Variants in HIBADH observed in about 807,000 individuals in gnomAD.
HIBADH encodes the protein 3-hydroxyisobutyrate dehydrogenase, mitochondrial.
In HIBADH, 25 loss-of-function variants were observed where a neutral mutation model predicts 36.1. The observed-to-expected ratio is 0.69, with a 90% CI of 0.50 to 0.97. HIBADH has a LOEUF of 0.97. Ranked by LOEUF, HIBADH falls within the 50% of genes least tolerant of loss-of-function variation. The pLI is 0.00. For missense variants in HIBADH, 421 were observed against 418.0 expected (o/e 1.01, Z -0.06); for synonymous variants, 160 against 149.5 (o/e 1.07, Z -0.51).
intron 2 of HIBADH, among the ~76,000 whole-genome samples, chr7:27,634,399 CT>C (rs1785800894): frequency 6.6e-6 from 1 of 151,956 alleles, no homozygotes; most frequent in Non-Finnish European, 1.5e-5. Flanking sequence ...TTTCCTACAC[CT>C]TCATAAATAT....
chr7:27,538,177 G>A (rs995421299), intron 6 of HIBADH, among the ~76,000 whole-genome samples, 164 bp downstream of exon 6: 1 of 152,138 alleles, frequency 6.6e-6, no homozygotes, highest in Non-Finnish European at 1.5e-5. Flanking sequence ...GGGTCCTATT[G>A]CTTGTCCAAT....
chr7:27,575,303 A>G (rs4722719), intron 4 of HIBADH, among the ~76,000 whole-genome samples: 115,971 of 152,124 alleles, frequency 0.76, 44,713 homozygotes, highest in East Asian at 0.94. Flanking sequence ...ACCTAAGGAG[A>G]GATCACAGGA....
In HIBADH at chr7:27,622,240, A is replaced by AT. The variant is rs200317072; in HGVS notation, c.484+7130dup. Among the ~76,000 whole-genome samples, 381 of 151,850 alleles carry AT rather than the reference A, an allele frequency of 2.5e-3. 3 individuals are homozygous for AT. The highest frequency in any genetic ancestry group is 5.3e-3 in the African/African-American group (221 of 41,450). On this transcript the variant is annotated intron_variant, in intron 4 of 7. Coordinates refer to ENST00000265395, the MANE Select transcript of HIBADH (RefSeq NM_152740.4). ...AGCCTGGATGACAAGGCAAGAGCCT[A>AT]TTTTTTTTTAAAAAAGTTAAAAATA...
At chr7:27,635,444 C>G (rs1785822639) in intron 2 of HIBADH, among the ~76,000 whole-genome samples, 1 of 152,142 alleles carries the variant, frequency 6.6e-6, no homozygotes, top group South Asian at 2.1e-4. Flanking sequence ...TGCAGCTCAG[C>G]CAAGAAGTCA....
intron 4 of HIBADH, among the ~76,000 whole-genome samples, chr7:27,608,165 C>T (rs1360139889): frequency 4.6e-5 from 7 of 152,220 alleles, no homozygotes; most frequent in Middle Eastern, 3.4e-3. Context: ...ATGTCAGATA[C>T]TAATGTTAAA....
chr7:27,648,774 T>C (rs1786123247), intron 2 of HIBADH, among the ~76,000 whole-genome samples: 1 of 152,234 alleles, frequency 6.6e-6, no homozygotes, highest in African/African-American at 2.4e-5. Context: ...TGATAAACTC[T>C]GGTACCAAAA....
At chr7:27,558,945 A>G (rs1160763196) in intron 4 of HIBADH, among the ~76,000 whole-genome samples, 1 of 152,194 alleles carries the variant, frequency 6.6e-6, no homozygotes, top group African/African-American at 2.4e-5. Context: ...ACAAAGTACC[A>G]CAAACTGGGT....
At chr7:27,560,728 A>G (rs1355732404) in intron 4 of HIBADH, among the ~76,000 whole-genome samples, 2 of 152,102 alleles carry the variant, frequency 1.3e-5, no homozygotes, top group South Asian at 2.1e-4. Context: ...CCATTTATCC[A>G]CTGATGGACA....
intron 1 of HIBADH, among the ~76,000 whole-genome samples, chr7:27,661,048 C>G (rs1301013525): frequency 6.6e-6 from 1 of 152,170 alleles, no homozygotes; most frequent in East Asian, 1.9e-4. Flanking sequence ...AAAACTGGTG[C>G]TACTGTGGAA....
rs138928056 is a variant in HIBADH, at chr7:27,630,003, C to A, written c.363-511G>T. Among the ~76,000 whole-genome samples, 558 of 152,076 alleles carry A rather than the reference C, an allele frequency of 3.7e-3. 4 individuals carry two copies. The highest frequency in any genetic ancestry group is 0.013 in the African/African-American group (535 of 41,478). ...AATCTAGCCATTTGTGTTGGGATGG[C>A]ATATTATTTTATAATTGTAACTTTA... is the stretch of plus-strand genomic sequence containing the variant. On this transcript the variant is annotated intron_variant, in intron 3 of 7. Coordinates refer to ENST00000265395, the MANE Select transcript of HIBADH (RefSeq NM_152740.4).
chr7:27,544,204 A>G (rs6963585), intron 4 of HIBADH, among the ~76,000 whole-genome samples: 116,527 of 152,126 alleles, frequency 0.77, 45,191 homozygotes, highest in East Asian at 0.94. Flanking sequence ...GTATTTATAT[A>G]TTTTTTAAAA....
intron 6 of HIBADH, among the ~76,000 whole-genome samples, chr7:27,534,352 T>C (rs1784042601): frequency 6.6e-6 from 1 of 152,204 alleles, no homozygotes. Flanking sequence ...TCTAAGACCA[T>C]GTCAGTTTTA....
chr7:27,660,688 GA>G (rs940018099), intron 1 of HIBADH, among the ~76,000 whole-genome samples: 12 of 150,644 alleles, frequency 8.0e-5, no homozygotes, highest in South Asian at 4.2e-4. Flanking sequence ...TTTTTCAAGA[GA>G]AAAAAAAATT....
chr7:27,630,956 G>GA (rs1330483315), intron 3 of HIBADH, among the ~76,000 whole-genome samples: 1 of 151,890 alleles, frequency 6.6e-6, no homozygotes, highest in East Asian at 1.9e-4. Flanking sequence ...TCAACAAATG[G>GA]AAAATCATCC....
At chr7:27,598,028 C>G (rs1394492657) in intron 4 of HIBADH, among the ~76,000 whole-genome samples, 1 of 152,146 alleles carries the variant, frequency 6.6e-6, no homozygotes, top group African/African-American at 2.4e-5. Context: ...ATTAGAATCT[C>G]CTACTTGTTT....
At chr7:27,580,016 C>T (rs1228045401) in intron 4 of HIBADH, among the ~76,000 whole-genome samples, 1 of 152,136 alleles carries the variant, frequency 6.6e-6, no homozygotes, top group African/African-American at 2.4e-5. Context: ...TCTGTTTGAA[C>T]AGCCACACTT....
chr7:27,553,019 T>C (rs997906831), intron 4 of HIBADH, among the ~76,000 whole-genome samples: 5 of 152,284 alleles, frequency 3.3e-5, no homozygotes, highest in East Asian at 3.9e-4. Flanking sequence ...CTATATACGA[T>C]TGTGAAACAT....
chr7:27,627,297 A>C (rs1785665337), intron 4 of HIBADH, among the ~76,000 whole-genome samples: 1 of 152,188 alleles, frequency 6.6e-6, no homozygotes, highest in South Asian at 2.1e-4. Flanking sequence ...AACTCTGCAC[A>C]GGAATGCGGT....
intron 7 of HIBADH, among the ~76,000 whole-genome samples, chr7:27,530,681 T>C (rs1246428698): frequency 6.6e-6 from 1 of 152,196 alleles, no homozygotes; most frequent in African/African-American, 2.4e-5. Context: ...AAGAGAAGGA[T>C]GACAGTTTGC....
Sources: allele counts gnomAD v4.1 joint callset (sites outside exome capture counted in the v4.1 genomes callset), GRCh38; gene constraint gnomAD v4.1.1; transcripts MANE v1.5; gene names NCBI Gene and HGNC (gene_info 2026-07-23, HGNC 2026-07-21).